THSD4: variants seen among roughly 807,000 people sequenced by gnomAD.
THSD4 encodes thrombospondin type 1 domain containing 4.
A neutral mutation model predicts 119.0 loss-of-function variants in THSD4; 69 were observed. The ratio of observed to expected loss-of-function variants is 0.58; its 90% CI spans 0.48 to 0.71. THSD4 has a LOEUF of 0.71. Among genes scored for constraint, THSD4 ranks in the 30% least tolerant of loss-of-function variants. THSD4 has a pLI of 0.00. For missense variants in THSD4, 1,393 were observed against 1,391.1 expected, an observed-to-expected ratio of 1.00 and a Z score of -0.02; for synonymous variants, 524 against 540.4, an observed-to-expected ratio of 0.97 and a Z score of 0.42.
chr15:71,724,266 G>GAT lies in THSD4; in HGVS notation c.1358-4262_1358-4261dup, dbSNP rs144736427. Among the ~76,000 whole-genome samples the GAT allele has an allele frequency of 4.9e-3, 362 of 74,600 alleles. 19 individuals are homozygous for GAT. The highest frequency in any genetic ancestry group is 0.017 in the Middle Eastern group (2 of 120). The allele number at this position is 74,600 out of a possible 152,430, so 48.9% of individuals were successfully genotyped here. ...CTGGGGGAGGAGGCCTCTATGATGG[G>GAT]ATATATATATATATATATATATTTT... On this transcript the variant is annotated intron_variant, in intron 8 of 17. Coordinates refer to ENST00000261862, the MANE Select transcript of THSD4 (RefSeq NM_024817.3).
At chr15:71,199,914 G>A (rs2043784772) in intron 3 of THSD4, among the ~76,000 whole-genome samples, 1 of 109,050 alleles carries the variant, frequency 9.2e-6, no homozygotes, top group Non-Finnish European at 2.1e-5. Flanking sequence ...GTGCATGTGT[G>A]GGGTGTGTGT....
chr15:71,721,141 C>T (rs904619203), intron 8 of THSD4, among the ~76,000 whole-genome samples: 2 of 151,822 alleles, frequency 1.3e-5, no homozygotes, highest in South Asian at 4.2e-4. Context: ...CCGAGGCAGG[C>T]AGATCACTTG....
chr15:71,753,492 T>G (rs182520490), intron 14 of THSD4, among the ~76,000 whole-genome samples: 2 of 152,334 alleles, frequency 1.3e-5, no homozygotes, highest in Non-Finnish European at 2.9e-5. Flanking sequence ...TAGGGGCCAG[T>G]TGGGCCAAGT....
chr15:71,492,439 G>T lies in THSD4; in HGVS notation c.1152+80616G>T, dbSNP rs980319025. 4.2e-4 allele frequency among the ~76,000 whole-genome samples: 59 copies of T among 139,226 alleles called. 1 individual carries two copies. Among genetic ancestry groups the T allele is most frequent in the African/African-American group, 1.6e-3 (55 of 33,582 alleles). The allele number at this position is 139,226 out of a possible 152,430, so 91.3% of individuals were successfully genotyped here. ...ACCACCATGCCCATCTATTTTTGTT[G>T]TTGTTGTTGTTGTTTTTGTATTTTT... On this transcript the variant is annotated intron_variant, in intron 7 of 17. Coordinates refer to ENST00000261862, the MANE Select transcript of THSD4 (RefSeq NM_024817.3).
At chr15:71,652,956 C>G (rs967715163) in intron 7 of THSD4, among the ~76,000 whole-genome samples, 1 of 152,152 alleles carries the variant, frequency 6.6e-6, no homozygotes, top group African/African-American at 2.4e-5. Flanking sequence ...ATTTCCCTCC[C>G]TTTAAACATG....
intron 7 of THSD4, among the ~76,000 whole-genome samples, chr15:71,494,999 G>A (rs1334451832): frequency 1.3e-5 from 2 of 152,224 alleles, no homozygotes; most frequent in East Asian, 1.9e-4. Context: ...ACCTCCCAAA[G>A]TATTGATACA....
chr15:71,129,761 T>C (rs1363438530), intron 1 of THSD4, among the ~76,000 whole-genome samples: 1 of 152,200 alleles, frequency 6.6e-6, no homozygotes, highest in Non-Finnish European at 1.5e-5. Flanking sequence ...TTTTTTGGCA[T>C]ACGTTGCACA....
intron 7 of THSD4, among the ~76,000 whole-genome samples, chr15:71,619,633 CCTAT>C (rs753104378): frequency 5.3e-5 from 8 of 152,166 alleles, no homozygotes; most frequent in Non-Finnish European, 1.2e-4. Flanking sequence ...TTCTGTTGCT[CCTAT>C]CTATTCTGTT....
chr15:71,694,942 C>T (rs931539615), intron 8 of THSD4, among the ~76,000 whole-genome samples: 1 of 152,162 alleles, frequency 6.6e-6, no homozygotes, highest in East Asian at 1.9e-4. Flanking sequence ...GAGAGGTGTG[C>T]CGAGGAACCA....
chr15:71,310,618 C>T lies in THSD4; in HGVS notation c.1015+53903C>T, dbSNP rs548171516. Among the ~76,000 whole-genome samples the T allele has an allele frequency of 2.6e-5, 4 of 152,280 alleles. No individual in the cohort carries two copies. The East Asian group carries it at 5.8e-4, about 22-fold the overall frequency. On this transcript the variant is annotated intron_variant, in intron 6 of 17. Coordinates refer to ENST00000261862, the MANE Select transcript of THSD4 (RefSeq NM_024817.3). ...GGCCTCTCTAAGCTTGCATTCATTCCTTCTGGGTGACCTCTCTGGAATGGA... is the reference window on the plus strand; with the variant it reads ...GGCCTCTCTAAGCTTGCATTCATTCTTTCTGGGTGACCTCTCTGGAATGGA...
intron 11 of THSD4, among the ~76,000 whole-genome samples, chr15:71,741,142 G>A (rs955873986): frequency 2.0e-5 from 3 of 152,114 alleles, no homozygotes; most frequent in Admixed American, 2.0e-4. Flanking sequence ...GTCTATTACT[G>A]CCTTTTCCCA....
intron 8 of THSD4, among the ~76,000 whole-genome samples, chr15:71,667,066 G>A (rs1212792360): frequency 1.3e-5 from 2 of 152,234 alleles, no homozygotes; most frequent in Admixed American, 1.3e-4. Context: ...ATACACCAAT[G>A]AAACTCTGCA....
intron 7 of THSD4, among the ~76,000 whole-genome samples, chr15:71,538,813 G>A (rs1234602187): frequency 6.6e-6 from 1 of 152,222 alleles, no homozygotes; most frequent in African/African-American, 2.4e-5. Flanking sequence ...TGGTTCCAAT[G>A]CATTGTCTGA....
chr15:71,225,683 C>T (rs1389419761), intron 4 of THSD4, among the ~76,000 whole-genome samples: 3 of 151,780 alleles, frequency 2.0e-5, no homozygotes, highest in Admixed American at 2.0e-4. Context: ...GCTGGGACTA[C>T]AGGCACGTGC....
chr15:71,167,644 A>G (rs637019), intron 3 of THSD4, among the ~76,000 whole-genome samples: 150,131 of 152,328 alleles, frequency 0.99, 74,027 homozygotes, highest in East Asian at 1. Flanking sequence ...TTGCTGACCC[A>G]CTGTTTTGTG....
At chr15:71,364,932 A>G (rs951834245) in intron 6 of THSD4, among the ~76,000 whole-genome samples, 1 of 152,144 alleles carries the variant, frequency 6.6e-6, no homozygotes, top group African/African-American at 2.4e-5. Context: ...CAGTTGTTTG[A>G]GACAGCCCTA....
At chr15:71,662,591 G>A (rs1425226256) in intron 8 of THSD4, among the ~76,000 whole-genome samples, 2 of 152,094 alleles carry the variant, frequency 1.3e-5, no homozygotes, top group Non-Finnish European at 2.9e-5. Flanking sequence ...GTTGCTTTTA[G>A]TACATTTTCC....
intron 1 of THSD4, among the ~76,000 whole-genome samples, chr15:71,118,251 C>T (rs563281586): frequency 1.3e-5 from 2 of 152,230 alleles, no homozygotes; most frequent in East Asian, 3.9e-4. Context: ...TTTATTGATC[C>T]AAGAGCCATC....
Position 71,665,782 on chromosome 15 carries a change from G to C in THSD4, c.1357+5048G>C, listed in dbSNP as rs2141005005. On this transcript the variant is annotated intron_variant, in intron 8 of 17. Transcript: ENST00000261862. ...CTTTCCCAATTGCTTGTTTTTGTCA[G>C]CTTTGTCGAAGATCAGATAGTGGTA... Among the ~76,000 whole-genome samples, 3 of 152,230 alleles carry C rather than the reference G, an allele frequency of 2.0e-5. No homozygotes were observed. In the South Asian group the frequency reaches 6.2e-4, roughly 32 times the overall value.
Sources: gnomAD v4.1 joint callset for allele counts (sites outside exome capture counted in the v4.1 genomes callset) on GRCh38, gnomAD v4.1.1 for gene constraint, MANE v1.5 for transcripts, NCBI Gene and HGNC (gene_info 2026-07-23, HGNC 2026-07-21) for gene names.